MTUS2: variants seen among roughly 807,000 people sequenced by gnomAD.
The protein encoded by MTUS2 is microtubule-associated tumor suppressor candidate 2.
Under a neutral mutation model 114.1 loss-of-function variants are expected in MTUS2, and 40 were observed. That is an observed-to-expected ratio of 0.35 (90% CI 0.27 to 0.46). The LOEUF (loss-of-function observed/expected upper bound fraction) is 0.46, where lower values mean the gene tolerates loss of function less well. Ranked by LOEUF, MTUS2 falls within the 20% of genes least tolerant of loss-of-function variation. The probability of loss-of-function intolerance (pLI) is 1.00; values close to 1 mark genes in which losing one functional copy is unlikely to be tolerated. For missense variants in MTUS2, 1,679 were observed against 1,705.4 expected (o/e 0.98, Z 0.27); for synonymous variants, 688 against 672.0 (o/e 1.02, Z -0.37).
intron 5 of MTUS2, among the ~76,000 whole-genome samples, chr13:29,170,312 C>T (rs1321288148): frequency 6.6e-6 from 1 of 152,112 alleles, no homozygotes; most frequent in African/African-American, 2.4e-5. Context: ...GTTCTATTAC[C>T]CCCATGAATA....
chr13:29,447,454 T>A (rs1878367070), intron 9 of MTUS2, among the ~76,000 whole-genome samples: 1 of 151,364 alleles, frequency 6.6e-6, no homozygotes, highest in African/African-American at 2.5e-5. Flanking sequence ...GCTGATTGGT[T>A]TGATTTCATT....
intron 5 of MTUS2, among the ~76,000 whole-genome samples, chr13:29,202,718 T>C (rs1895011190): frequency 1.3e-5 from 2 of 152,336 alleles, no homozygotes; most frequent in South Asian, 4.1e-4. Context: ...GTTAATGTTA[T>C]GCTATTCCTT....
intron 5 of MTUS2, among the ~76,000 whole-genome samples, chr13:29,124,544 T>C (rs1305839357): frequency 2.6e-5 from 4 of 152,136 alleles, no homozygotes; most frequent in Non-Finnish European, 5.9e-5. Flanking sequence ...AAATTAAAAG[T>C]AGAATTACTG....
intron 2 of MTUS2, among the ~76,000 whole-genome samples, chr13:28,993,558 C>A (rs1267481228): frequency 1.3e-5 from 2 of 152,152 alleles, no homozygotes; most frequent in Admixed American, 6.5e-5. Flanking sequence ...ATGTTTAAAT[C>A]TTTAATCCAT....
chr13:28,886,953 G>A (rs756193009), intron 2 of MTUS2, among the ~76,000 whole-genome samples: 7 of 152,322 alleles, frequency 4.6e-5, no homozygotes, highest in African/African-American at 1.7e-4. Context: ...AGGTTGGAGC[G>A]CTAGGAGGCC....
intron 6 of MTUS2, among the ~76,000 whole-genome samples, chr13:29,289,819 G>A (rs1898634632): frequency 6.6e-6 from 1 of 152,138 alleles, no homozygotes; most frequent in South Asian, 2.1e-4. Context: ...ACTGGAATGT[G>A]AAGAAATTTT....
At chr13:29,084,485 G>GCAC (rs1466883053) in intron 4 of MTUS2, among the ~76,000 whole-genome samples, 1 of 151,626 alleles carries the variant, frequency 6.6e-6, no homozygotes, top group African/African-American at 2.4e-5. Context: ...GCTCCTCCAT[G>GCAC]CAATGGTCTC....
intron 2 of MTUS2, among the ~76,000 whole-genome samples, chr13:28,920,145 A>G (rs1266331516): frequency 2.0e-5 from 3 of 152,200 alleles, no homozygotes; most frequent in Non-Finnish European, 4.4e-5. Context: ...CATCAGTAAC[A>G]TTGATGAGTT....
intron 5 of MTUS2, among the ~76,000 whole-genome samples, chr13:29,234,003 A>G (rs1317184145): frequency 1.3e-5 from 2 of 152,236 alleles, no homozygotes; most frequent in African/African-American, 2.4e-5. Flanking sequence ...TTAAGAAAAA[A>G]TGGGAAAATC....
chr13:28,944,065 T>A (rs1276315732), intron 2 of MTUS2, among the ~76,000 whole-genome samples: 1 of 152,128 alleles, frequency 6.6e-6, no homozygotes, highest in African/African-American at 2.4e-5. Flanking sequence ...TTTCTAAGCA[T>A]AGAAGATGTT....
chr13:29,014,660 TG>T (rs373816135), intron 2 of MTUS2, among the ~76,000 whole-genome samples: 23 of 151,716 alleles, frequency 1.5e-4, no homozygotes, highest in African/African-American at 5.6e-4. Flanking sequence ...AATGTTAGAG[TG>T]GGGGGAGTCA....
intron 2 of MTUS2, among the ~76,000 whole-genome samples, chr13:28,882,737 T>TA (rs370683184): frequency 3.3e-5 from 5 of 152,086 alleles, no homozygotes; most frequent in Admixed American, 1.3e-4. Context: ...ATCCTGTCTC[T>TA]AAAAAATTTT....
At chr13:28,893,263 G>C (rs1879040621) in intron 2 of MTUS2, among the ~76,000 whole-genome samples, 3 of 152,172 alleles carry the variant, frequency 2.0e-5, no homozygotes, top group Admixed American at 2.0e-4. Flanking sequence ...TATTAAGCCA[G>C]CTGGGAAGAG....
At chr13:29,205,960 T>C (rs1480904365) in intron 5 of MTUS2, among the ~76,000 whole-genome samples, 5 of 152,338 alleles carry the variant, frequency 3.3e-5, no homozygotes, top group Non-Finnish European at 5.9e-5. Flanking sequence ...GTAGTTCTAC[T>C]TTTAGTTCTT....
rs1874362300 is a variant in MTUS2 at position 28,827,680 on chromosome 13, C to T, written c.-316+7069C>T. Among the ~76,000 whole-genome samples, 3 of 152,174 alleles carry T rather than the reference C, an allele frequency of 2.0e-5. 1 individual carries two copies. In the South Asian group the frequency reaches 6.2e-4, roughly 32 times the overall value. ...GTCTGAGAAATAAAGGGAAATAGTACAAAAGAGAGAAATTTTAGAGCTGGG... is the reference window on the plus strand; with the variant it reads ...GTCTGAGAAATAAAGGGAAATAGTATAAAAGAGAGAAATTTTAGAGCTGGG... On this transcript the variant is annotated intron_variant, in intron 1 of 15. Coordinates refer to ENST00000612955, the MANE Select transcript of MTUS2 (RefSeq NM_001033602.4).
intron 5 of MTUS2, among the ~76,000 whole-genome samples, chr13:29,168,772 A>G (rs978189491): frequency 3.3e-5 from 5 of 152,098 alleles, no homozygotes; most frequent in Non-Finnish European, 7.4e-5. Context: ...CAGGATCACT[A>G]TGTAAGTTCT....
chr13:29,162,017 C>T (rs1006318086), intron 5 of MTUS2, among the ~76,000 whole-genome samples: 1 of 152,228 alleles, frequency 6.6e-6, no homozygotes, highest in African/African-American at 2.4e-5. Flanking sequence ...TAGCTGCACA[C>T]TTGACATCTA....
chr13:29,278,538 C>T (rs914312369), intron 5 of MTUS2, among the ~76,000 whole-genome samples: 2 of 152,166 alleles, frequency 1.3e-5, no homozygotes, highest in African/African-American at 4.8e-5. Flanking sequence ...ATCTCAGCCT[C>T]GCCACCTGTC....
intron 2 of MTUS2, among the ~76,000 whole-genome samples, chr13:28,887,910 T>G (rs989355705): frequency 1.3e-5 from 2 of 152,188 alleles, no homozygotes; most frequent in African/African-American, 4.8e-5. Flanking sequence ...ATGGTTAACT[T>G]CCTCTGTCCT....
Sources: allele counts gnomAD v4.1 joint callset (sites outside exome capture counted in the v4.1 genomes callset), GRCh38; gene constraint gnomAD v4.1.1; transcripts MANE v1.5; gene names NCBI Gene and HGNC (gene_info 2026-07-23, HGNC 2026-07-21).